ME3: variants seen among roughly 807,000 people sequenced by gnomAD.
The protein encoded by ME3 is malic enzyme 3.
ME3 carries 48 observed loss-of-function variants against 68.9 expected under a neutral mutation model. The ratio of observed to expected loss-of-function variants is 0.70; its 90% CI spans 0.55 to 0.89. ME3 has a LOEUF of 0.89. Ranked by LOEUF, ME3 falls within the 40% of genes least tolerant of loss-of-function variation. ME3 has a pLI of 0.00. For missense variants in ME3, 675 were observed against 797.4 expected, an observed-to-expected ratio of 0.85 and a Z score of 1.85; for synonymous variants, 320 against 318.8, an observed-to-expected ratio of 1.00 and a Z score of -0.04.
chr11:86,646,950 CAAGCTTCAT>C (rs1945057997), intron 2 of ME3, among the ~76,000 whole-genome samples: 2 of 152,260 alleles, frequency 1.3e-5, no homozygotes, highest in South Asian at 4.2e-4. Context: ...TCCAGCCAAC[CAAGCTTCAT>C]AAGTGAGGGA....
intron 8 of ME3, among the ~76,000 whole-genome samples, chr11:86,451,192 C>T (rs1295478667): frequency 6.6e-6 from 1 of 152,178 alleles, no homozygotes; most frequent in Non-Finnish European, 1.5e-5. Flanking sequence ...GTTAGCACTA[C>T]ATTGATTCAT....
intron 2 of ME3, among the ~76,000 whole-genome samples, chr11:86,561,984 T>TTGACAAA (rs1308248452): frequency 6.6e-6 from 1 of 152,214 alleles, no homozygotes; most frequent in Non-Finnish European, 1.5e-5. Context: ...TCTATGGGTT[T>TTGACAAA]TGACAAATGC....
chr11:86,635,308 G>C (rs1158923655), intron 2 of ME3, among the ~76,000 whole-genome samples: 2 of 152,178 alleles, frequency 1.3e-5, no homozygotes, highest in African/African-American at 2.4e-5. Context: ...ACTGAGGAAG[G>C]GCCACGTGAG....
chr11:86,485,153 T>C (rs1951615001), intron 7 of ME3, among the ~76,000 whole-genome samples: 1 of 152,184 alleles, frequency 6.6e-6, no homozygotes, highest in Admixed American at 6.5e-5. Flanking sequence ...TTCCACCAAT[T>C]GGTTCTTTTC....
At chr11:86,648,592 T>A (rs1448741482) in intron 2 of ME3, among the ~76,000 whole-genome samples, 1 of 151,950 alleles carries the variant, frequency 6.6e-6, no homozygotes, top group South Asian at 2.1e-4. Context: ...GCTAGAACGA[T>A]TCTTCTCCTT....
At chr11:86,523,575 T>A (rs1954495623) in intron 4 of ME3, among the ~76,000 whole-genome samples, 1 of 152,208 alleles carries the variant, frequency 6.6e-6, no homozygotes, top group African/African-American at 2.4e-5. Context: ...GATTATGAGA[T>A]TTTATTTTTG....
chr11:86,483,131 T>A (rs1951506276), intron 7 of ME3, among the ~76,000 whole-genome samples: 1 of 152,228 alleles, frequency 6.6e-6, no homozygotes, highest in African/African-American at 2.4e-5. Context: ...CCTGTAAATC[T>A]GATCAGGGCA....
chr11:86,566,319 G>A (rs996046535), intron 2 of ME3, among the ~76,000 whole-genome samples: 1 of 152,220 alleles, frequency 6.6e-6, no homozygotes, highest in Non-Finnish European at 1.5e-5. Flanking sequence ...GAAGAAAACT[G>A]TGCAGGTGAT....
chr11:86,630,824 G>A (rs1272079062), intron 2 of ME3, among the ~76,000 whole-genome samples: 3 of 152,262 alleles, frequency 2.0e-5, no homozygotes, highest in African/African-American at 4.8e-5. Flanking sequence ...CCTGTGCAGT[G>A]CCACACAGAG....
chr11:86,479,115 T>A (rs1340110810), intron 7 of ME3, among the ~76,000 whole-genome samples: 1 of 152,216 alleles, frequency 6.6e-6, no homozygotes, highest in Non-Finnish European at 1.5e-5. Flanking sequence ...TCCAGTTGGT[T>A]GATGGCTCAG....
chr11:86,543,602 T>C (rs1251245845), intron 4 of ME3, among the ~76,000 whole-genome samples: 2 of 152,180 alleles, frequency 1.3e-5, no homozygotes, highest in African/African-American at 2.4e-5. Context: ...CAAGAAGAGC[T>C]AACTATCCTA....
intron 2 of ME3, among the ~76,000 whole-genome samples, chr11:86,627,398 C>G (rs150775152): frequency 6.6e-6 from 1 of 152,122 alleles, no homozygotes; most frequent in Non-Finnish European, 1.5e-5. Context: ...AAAATTGCAA[C>G]CAAATTTGCT....
intron 2 of ME3, among the ~76,000 whole-genome samples, chr11:86,650,445 A>G (rs1945325945): frequency 6.6e-6 from 1 of 152,254 alleles, no homozygotes; most frequent in African/African-American, 2.4e-5. Context: ...AACAGAAGCC[A>G]AAATTGACAA....
intron 6 of ME3, among the ~76,000 whole-genome samples, chr11:86,489,668 A>G (rs543279989): frequency 5.3e-4 from 80 of 152,014 alleles, no homozygotes; most frequent in Non-Finnish European, 5.1e-4. Flanking sequence ...CTGCTGGGGC[A>G]GGAACTTCTC....
chr11:86,649,882 G>A (rs1945285321), intron 2 of ME3, among the ~76,000 whole-genome samples: 1 of 152,126 alleles, frequency 6.6e-6, no homozygotes, highest in African/African-American at 2.4e-5. Flanking sequence ...TGGTCATATT[G>A]CCCAATAATT....
At chr11:86,606,903 G>T (rs1961747452) in intron 2 of ME3, among the ~76,000 whole-genome samples, 4 of 152,148 alleles carry the variant, frequency 2.6e-5, no homozygotes, top group African/African-American at 9.7e-5. Flanking sequence ...AATATGTGAG[G>T]TTGCTGTTTT....
intron 2 of ME3, among the ~76,000 whole-genome samples, chr11:86,602,757 G>A (rs1193104294): frequency 6.6e-6 from 1 of 152,118 alleles, no homozygotes; most frequent in Non-Finnish European, 1.5e-5. Flanking sequence ...CAGAGATATA[G>A]ACCAATGGAA....
At chr11:86,588,261 C>T (rs777023286) in intron 2 of ME3, among the ~76,000 whole-genome samples, 25 of 152,164 alleles carry the variant, frequency 1.6e-4, no homozygotes, top group Non-Finnish European at 3.4e-4. Flanking sequence ...TCAGAATACA[C>T]CTCTAATACC....
chr11:86,607,832 C>T (rs113684971), intron 2 of ME3, among the ~76,000 whole-genome samples: 2 of 152,090 alleles, frequency 1.3e-5, no homozygotes, highest in African/African-American at 4.8e-5. Context: ...GCCTACTCCC[C>T]GTTCGACATG....
Sources: gnomAD v4.1 joint callset for allele counts (sites outside exome capture counted in the v4.1 genomes callset) on GRCh38, gnomAD v4.1.1 for gene constraint, MANE v1.5 for transcripts, NCBI Gene and HGNC (gene_info 2026-07-23, HGNC 2026-07-21) for gene names.